HERPUD2: variants seen among roughly 807,000 people sequenced by gnomAD.
HERPUD2 encodes HERPUD family member 2, also known as homocysteine-responsive endoplasmic reticulum-resident ubiquitin-like domain member 2 protein.
A neutral mutation model predicts 49.9 loss-of-function variants in HERPUD2; 13 were observed. The observed-to-expected ratio is 0.26, with a 90% CI of 0.17 to 0.41. HERPUD2 has a LOEUF of 0.41. HERPUD2 is among the 10% of genes least tolerant of loss of function. The probability of loss-of-function intolerance (pLI) is 1.00; values close to 1 mark genes in which losing one functional copy is unlikely to be tolerated. For missense variants in HERPUD2, 449 were observed against 492.2 expected, an observed-to-expected ratio of 0.91 and a Z score of 0.83; for synonymous variants, 172 against 171.4, an observed-to-expected ratio of 1.00 and a Z score of -0.03.
intron 5 of HERPUD2, among the ~76,000 whole-genome samples, chr7:35,648,371 C>T (rs1785094437): frequency 6.6e-6 from 1 of 152,176 alleles, no homozygotes; most frequent in African/African-American, 2.4e-5. Flanking sequence ...ATACTATGTG[C>T]CCCTCAGTGG....
intron 2 of HERPUD2, among the ~76,000 whole-genome samples, chr7:35,680,127 C>T: frequency 6.6e-6 from 1 of 152,198 alleles, no homozygotes; most frequent in East Asian, 1.9e-4. Flanking sequence ...CTTAAATCAG[C>T]CAGGCATGGT....
At chr7:35,681,426 T>C (rs1583567649) in intron 2 of HERPUD2, among the ~76,000 whole-genome samples, 1 of 152,194 alleles carries the variant, frequency 6.6e-6, no homozygotes, top group East Asian at 1.9e-4. Context: ...AAGTTAAACA[T>C]ACAGTTACCC....
At chr7:35,659,853 G>T (rs1228818180) in intron 5 of HERPUD2, among the ~76,000 whole-genome samples, 2 of 150,458 alleles carry the variant, frequency 1.3e-5, no homozygotes, top group Non-Finnish European at 3.0e-5. Flanking sequence ...CTTTTTTCCT[G>T]TTCTATTTCA....
At chr7:35,678,877 G>C (rs1785821458) in intron 2 of HERPUD2, among the ~76,000 whole-genome samples, 1 of 152,074 alleles carries the variant, frequency 6.6e-6, no homozygotes, top group Admixed American at 6.5e-5. Flanking sequence ...TTTATCACAA[G>C]CATCACTTCT....
intron 7 of HERPUD2, among the ~76,000 whole-genome samples, chr7:35,634,857 T>C (rs1261611173): frequency 6.6e-6 from 1 of 152,242 alleles, no homozygotes; most frequent in Non-Finnish European, 1.5e-5. Flanking sequence ...GAGTGCATCA[T>C]ACACTTGTTA....
At chr7:35,684,259 G>A (rs35932214) in intron 2 of HERPUD2, among the ~76,000 whole-genome samples, 3,632 of 152,072 alleles carry the variant, frequency 0.024, 67 homozygotes, top group Non-Finnish European at 0.036. Context: ...GCATGGTGGC[G>A]GGAACCTGCA....
chr7:35,635,634 T>C (rs1018292901), intron 6 of HERPUD2, among the ~76,000 whole-genome samples, 176 bp from the exon 7 acceptor site: 2 of 152,082 alleles, frequency 1.3e-5, no homozygotes, highest in East Asian at 1.9e-4. Flanking sequence ...GGAGCCAAGG[T>C]TGATGGTAGA....
chr7:35,669,353 T>C (rs1785600533), intron 4 of HERPUD2, among the ~76,000 whole-genome samples: 1 of 152,170 alleles, frequency 6.6e-6, no homozygotes, highest in African/African-American at 2.4e-5. Context: ...TTAACTAGTA[T>C]CTATTGAGAG....
chr7:35,674,422 G>T (rs867513441), intron 2 of HERPUD2, among the ~76,000 whole-genome samples: 4,427 of 68,112 alleles, frequency 0.065, 256 homozygotes, highest in Non-Finnish European at 0.071. Context: ...GAGAGAGAGA[G>T]AGAGAGAGAG....
At chr7:35,676,180 T>C (rs928200511) in intron 2 of HERPUD2, among the ~76,000 whole-genome samples, 2 of 152,190 alleles carry the variant, frequency 1.3e-5, no homozygotes, top group Admixed American at 1.3e-4. Context: ...CTTTTAACAG[T>C]TTCTATTTTT....
At chr7:35,637,723 T>G (rs1307703058) in intron 6 of HERPUD2, among the ~76,000 whole-genome samples, 1 of 152,030 alleles carries the variant, frequency 6.6e-6, no homozygotes, top group Non-Finnish European at 1.5e-5. Context: ...TAGTAACAAA[T>G]ACGTGATGAA....
chr7:35,646,432 C>T (rs1334383808), intron 5 of HERPUD2, among the ~76,000 whole-genome samples: 1 of 151,836 alleles, frequency 6.6e-6, no homozygotes, highest in African/African-American at 2.4e-5. Flanking sequence ...CATGGTGGCA[C>T]ATGTCTGAAG....
At chr7:35,635,616 G>A (rs1360749270) in intron 6 of HERPUD2, among the ~76,000 whole-genome samples, 158 bp from the exon 7 acceptor site, 1 of 152,108 alleles carries the variant, frequency 6.6e-6, no homozygotes, top group South Asian at 2.1e-4. Context: ...AAATTCCAAT[G>A]GAAAAGTGGA....
chr7:35,675,249 ACATTACAGAAG>A (rs1583563800), intron 2 of HERPUD2, among the ~76,000 whole-genome samples: 1 of 152,210 alleles, frequency 6.6e-6, no homozygotes, highest in African/African-American at 2.4e-5. Context: ...TGGGGACCAG[ACATTACAGAAG>A]CATTCTGTAT....
chr7:35,660,662 T>C (rs973585003), intron 5 of HERPUD2, among the ~76,000 whole-genome samples: 1 of 152,250 alleles, frequency 6.6e-6, no homozygotes, highest in Admixed American at 6.5e-5. Context: ...GTCTATTGGC[T>C]GCATAAATGT....
intron 5 of HERPUD2, among the ~76,000 whole-genome samples, chr7:35,639,089 C>T (rs1037053487): frequency 6.6e-6 from 1 of 151,070 alleles, no homozygotes; most frequent in South Asian, 2.1e-4. Flanking sequence ...AGTGCAGTGG[C>T]GTGATCTCGG....
intron 5 of HERPUD2, among the ~76,000 whole-genome samples, chr7:35,661,547 C>T (rs1365922568): frequency 3.3e-5 from 5 of 152,140 alleles, no homozygotes; most frequent in Non-Finnish European, 5.9e-5. Flanking sequence ...TCTTTTATTT[C>T]GCTGAGCAGT....
chr7:35,691,328 A>T (rs921785591), intron 2 of HERPUD2, among the ~76,000 whole-genome samples: 1 of 152,220 alleles, frequency 6.6e-6, no homozygotes, highest in African/African-American at 2.4e-5. Context: ...GAGTTCAGCC[A>T]GAATTCCATT....
intron 2 of HERPUD2, among the ~76,000 whole-genome samples, chr7:35,684,951 G>A (rs1362183872): frequency 2.6e-5 from 4 of 152,132 alleles, no homozygotes; most frequent in Admixed American, 2.6e-4. Flanking sequence ...ATTGAAAACA[G>A]AAAAACTGGC....
Sources: gnomAD v4.1 joint callset for allele counts (sites outside exome capture counted in the v4.1 genomes callset) on GRCh38, gnomAD v4.1.1 for gene constraint, MANE v1.5 for transcripts, NCBI Gene and HGNC (gene_info 2026-07-23, HGNC 2026-07-21) for gene names.